Variants in MSH3 observed in about 807,000 individuals in gnomAD.
MSH3 encodes DNA mismatch repair protein Msh3.
A neutral mutation model predicts 123.3 loss-of-function variants in MSH3; 106 were observed. The observed-to-expected ratio is 0.86, with a 90% CI of 0.73 to 1.01. The LOEUF is 1.01. MSH3 is among the 50% of genes least tolerant of loss of function. The pLI, the probability that MSH3 is intolerant of heterozygous loss-of-function variation, is 0.00. For synonymous variants in MSH3, 515 were observed against 481.4 expected (o/e 1.07, Z -0.91); for missense variants, 1,459 against 1,347.6 (o/e 1.08, Z -1.29).
rs572663390 is a variant in MSH3 at position 80,673,528 on chromosome 5, TCAAA to T, written c.1027+692_1027+695del. On this transcript the variant is annotated intron_variant, in intron 6 of 23. Transcript: ENST00000265081. ...TGGGTGACAGGAGTGAGACCCTGTC[TCAAA>T]CAAACAAACAAACAAACAAACCAAA... Among the ~76,000 whole-genome samples, 735 of 152,138 alleles carry T rather than the reference TCAAA, an allele frequency of 4.8e-3. 7 individuals carry two copies. The highest frequency in any genetic ancestry group is 0.016 in the African/African-American group (664 of 41,482).
intron 22 of MSH3, among the ~76,000 whole-genome samples, chr5:80,869,805 CATATATACAT>C (rs1188818356): frequency 1.0e-4 from 10 of 100,354 alleles, no homozygotes; most frequent in South Asian, 3.3e-4. Flanking sequence ...CATATATATA[CATATATACAT>C]ATATATATAC....
chr5:80,702,852 A>G (rs1750642924), intron 8 of MSH3, among the ~76,000 whole-genome samples: 1 of 152,118 alleles, frequency 6.6e-6, no homozygotes, highest in Non-Finnish European at 1.5e-5. Flanking sequence ...TCTTTACTAA[A>G]CATACAAAAA....
At chr5:80,856,092 T>C (rs245353) in intron 21 of MSH3, among the ~76,000 whole-genome samples, 130,755 of 151,758 alleles carry the variant, frequency 0.86, 56,403 homozygotes, top group East Asian at 1. Flanking sequence ...ACCGTGTTGC[T>C]CAGGCTAGTC....
intron 8 of MSH3, among the ~76,000 whole-genome samples, chr5:80,709,417 T>G (rs1360678805): frequency 1.3e-5 from 2 of 152,112 alleles, no homozygotes; most frequent in African/African-American, 4.8e-5. Flanking sequence ...GGTCAGGAGA[T>G]CGAGACCATC....
At chr5:80,662,887 C>G (rs974216331) in intron 2 of MSH3, among the ~76,000 whole-genome samples, 18 of 151,766 alleles carry the variant, frequency 1.2e-4, no homozygotes, top group African/African-American at 4.1e-4. Flanking sequence ...ACACACAGAC[C>G]AGGTGGTCTT....
At position 80,735,696 on chromosome 5, in the gene MSH3, A is replaced by G. The variant is rs145442397; in HGVS notation, c.1569-5768A>G. ...ACAGAGCGAGACTCCATCTCCAAAA[A>G]ACAAAACCAAAAAAGAACAGAAGAG... On this transcript the variant is annotated intron_variant, in intron 10 of 23. Coordinates refer to ENST00000265081, the MANE Select transcript of MSH3 (RefSeq NM_002439.5). Among the ~76,000 whole-genome samples the G allele has an allele frequency of 3.3e-3, 495 of 152,052 alleles. 5 individuals are homozygous for G. Among genetic ancestry groups the G allele is most frequent in the African/African-American group, 0.011 (475 of 41,482 alleles).
chr5:80,820,539 A>C (rs1166913276), intron 20 of MSH3, among the ~76,000 whole-genome samples: 1 of 152,142 alleles, frequency 6.6e-6, no homozygotes, highest in Non-Finnish European at 1.5e-5. Context: ...ATGTGCAGTA[A>C]ATATTTGTTT....
chr5:80,731,018 T>G (rs1352485174), intron 10 of MSH3, among the ~76,000 whole-genome samples: 4 of 150,580 alleles, frequency 2.7e-5, no homozygotes, highest in African/African-American at 9.8e-5. Context: ...TTCTCCTGCC[T>G]CCACCTCCCA....
At chr5:80,801,995 A>G (rs1057055785) in intron 19 of MSH3, among the ~76,000 whole-genome samples, 2 of 152,196 alleles carry the variant, frequency 1.3e-5, no homozygotes, top group Non-Finnish European at 2.9e-5. Flanking sequence ...ATTTTTGTAT[A>G]ATACTTGACA....
At chr5:80,836,543 CA>C (rs71603568) in intron 20 of MSH3, among the ~76,000 whole-genome samples, 44 of 118,798 alleles carry the variant, frequency 3.7e-4, no homozygotes, top group Middle Eastern at 4.5e-3. Context: ...GAATATGCCA[CA>C]AAAAAAAAAA....
chr5:80,856,710 A>T (rs1034874018), intron 21 of MSH3, among the ~76,000 whole-genome samples: 4 of 152,294 alleles, frequency 2.6e-5, no homozygotes, highest in Middle Eastern at 3.4e-3. Flanking sequence ...ATAATAATAA[A>T]AAAAAGAAAC....
chr5:80,688,530 A>G (rs1211740675), intron 8 of MSH3, among the ~76,000 whole-genome samples: 1 of 152,222 alleles, frequency 6.6e-6, no homozygotes, highest in Non-Finnish European at 1.5e-5. Flanking sequence ...TAATTTATAT[A>G]GTAGAAATCA....
At chr5:80,732,962 C>CT (rs1743437621) in intron 10 of MSH3, among the ~76,000 whole-genome samples, 1 of 152,304 alleles carries the variant, frequency 6.6e-6, no homozygotes, top group South Asian at 2.1e-4. Flanking sequence ...AGATCAGTCT[C>CT]TAAGTTCAGT....
At chr5:80,871,088 A>T (rs1746205193) in intron 22 of MSH3, among the ~76,000 whole-genome samples, 1 of 152,178 alleles carries the variant, frequency 6.6e-6, no homozygotes, top group Non-Finnish European at 1.5e-5. Context: ...TATATATGAC[A>T]GGCTGGGTCC....
intron 20 of MSH3, among the ~76,000 whole-genome samples, chr5:80,814,561 A>G (rs570024007): frequency 4.2e-4 from 64 of 152,308 alleles, no homozygotes; most frequent in African/African-American, 1.5e-3. Flanking sequence ...GTGAGCCACC[A>G]CACCCAGCTG....
chr5:80,713,932 C>T lies in MSH3; in HGVS notation c.1341-11521C>T, dbSNP rs571378403. On this transcript the variant is annotated intron_variant, in intron 8 of 23. Transcript: ENST00000265081. Reference sequence around the variant, plus strand: ...ACTTCTTTGCAGGTGACTCTGATGCCGGTGTCCCACAGACTACAGTTTGAG... The same window carrying T: ...ACTTCTTTGCAGGTGACTCTGATGCTGGTGTCCCACAGACTACAGTTTGAG... Among the ~76,000 whole-genome samples, 12 of 152,176 alleles carry T rather than the reference C, an allele frequency of 7.9e-5. No individual in the cohort carries two copies. The East Asian group carries it at 1.9e-3, about 25-fold the overall frequency.
chr5:80,840,021 T>C (rs1315956284), intron 20 of MSH3, among the ~76,000 whole-genome samples: 3 of 152,220 alleles, frequency 2.0e-5, no homozygotes, highest in Non-Finnish European at 4.4e-5. Context: ...TCTGTTAACC[T>C]TTTGCTATAA....
At chr5:80,742,651 G>T (rs1482602929) in intron 11 of MSH3, among the ~76,000 whole-genome samples, 2 of 152,104 alleles carry the variant, frequency 1.3e-5, no homozygotes, top group African/African-American at 4.8e-5. Context: ...TCCTGTTCCA[G>T]TCTGTTCTAG....
intron 12 of MSH3, among the ~76,000 whole-genome samples, chr5:80,745,341 C>T (rs1270966429): frequency 2.0e-5 from 3 of 152,188 alleles, no homozygotes; most frequent in Non-Finnish European, 2.9e-5. Context: ...TGACCTAGAA[C>T]AGTGCCTGGC....
Sources: allele counts gnomAD v4.1 joint callset (sites outside exome capture counted in the v4.1 genomes callset), GRCh38; gene constraint gnomAD v4.1.1; transcripts MANE v1.5; gene names NCBI Gene and HGNC (gene_info 2026-07-23, HGNC 2026-07-21).